The following SPAG16 variants were observed in gnomAD, a reference collection of about 807,000 sequenced individuals.
SPAG16 encodes sperm associated antigen 16.
A neutral mutation model predicts 80.4 loss-of-function variants in SPAG16; 86 were observed. The observed-to-expected ratio is 1.07, with a 90% CI of 0.90 to 1.28. SPAG16 has a LOEUF of 1.28. SPAG16 is among the 50% of genes most tolerant of loss of function. The pLI is 0.00. For missense variants in SPAG16, 870 were observed against 765.3 expected, an observed-to-expected ratio of 1.14 and a Z score of -1.61; for synonymous variants, 294 against 265.9, an observed-to-expected ratio of 1.11 and a Z score of -1.03.
chr2:213,968,409 T>TGGGTTTCC (rs1235855242), intron 12 of SPAG16, among the ~76,000 whole-genome samples: 1 of 152,198 alleles, frequency 6.6e-6, no homozygotes, highest in Non-Finnish European at 1.5e-5. Flanking sequence ...GCCAGCCTGG[T>TGGGTTTCC]CTTGAACTCC....
chr2:213,399,184 T>C (rs941875428), intron 9 of SPAG16, among the ~76,000 whole-genome samples: 29 of 152,256 alleles, frequency 1.9e-4, no homozygotes, highest in African/African-American at 6.7e-4. Flanking sequence ...TAAATAGTGG[T>C]GGTTATACTA....
At chr2:213,443,946 C>T (rs2071141579) in intron 9 of SPAG16, among the ~76,000 whole-genome samples, 1 of 152,018 alleles carries the variant, frequency 6.6e-6, no homozygotes, top group Non-Finnish European at 1.5e-5. Context: ...TTCTATTAGG[C>T]TATTTAAAAG....
chr2:214,220,213 A>G (rs918352), intron 15 of SPAG16, among the ~76,000 whole-genome samples: 81,218 of 151,854 alleles, frequency 0.53, 24,653 homozygotes, highest in South Asian at 0.7. Flanking sequence ...ATTTTTAGAA[A>G]GTCTTGAATC....
intron 10 of SPAG16, among the ~76,000 whole-genome samples, chr2:213,808,350 G>A (rs763223972): frequency 3.9e-5 from 6 of 152,118 alleles, no homozygotes; most frequent in African/African-American, 7.2e-5. Context: ...ACAGCCACTC[G>A]TTTACAAGCA....
chr2:213,702,865 C>G (rs557197719), intron 10 of SPAG16, among the ~76,000 whole-genome samples: 10 of 152,256 alleles, frequency 6.6e-5, no homozygotes, highest in African/African-American at 2.2e-4. Context: ...GGAAGGGAAG[C>G]CTAACAATAG....
chr2:214,282,073 C>A (rs773196504), intron 15 of SPAG16, among the ~76,000 whole-genome samples: 4 of 152,110 alleles, frequency 2.6e-5, no homozygotes, highest in Non-Finnish European at 5.9e-5. Flanking sequence ...GATATGTTTA[C>A]TATCTTGATT....
chr2:213,573,091 T>A (rs1235672050), intron 10 of SPAG16, among the ~76,000 whole-genome samples: 1 of 152,120 alleles, frequency 6.6e-6, no homozygotes. Flanking sequence ...TCGCCCTGCT[T>A]TGGCTCACGC....
At chr2:214,265,813 A>G (rs920830000) in intron 15 of SPAG16, among the ~76,000 whole-genome samples, 1 of 151,870 alleles carries the variant, frequency 6.6e-6, no homozygotes, top group Non-Finnish European at 1.5e-5. Flanking sequence ...TCTCATTTGT[A>G]TTCTGATTTT....
At chr2:213,647,944 G>A (rs1055136093) in intron 10 of SPAG16, among the ~76,000 whole-genome samples, 6 of 152,130 alleles carry the variant, frequency 3.9e-5, no homozygotes, top group Non-Finnish European at 8.8e-5. Flanking sequence ...AGATGTGTTA[G>A]GTTTGATAGC....
intron 10 of SPAG16, among the ~76,000 whole-genome samples, chr2:213,740,812 C>G (rs531025633): frequency 6.6e-5 from 10 of 152,244 alleles, no homozygotes; most frequent in African/African-American, 1.9e-4. Context: ...GGGCTATGGA[C>G]AAAGAAAGAC....
chr2:213,604,459 A>T (rs1018451477), intron 10 of SPAG16, among the ~76,000 whole-genome samples: 1 of 152,162 alleles, frequency 6.6e-6, no homozygotes. Flanking sequence ...TGGCATTTAT[A>T]GGTGCTGAAC....
chr2:213,809,792 T>C (rs1398362684), intron 10 of SPAG16, among the ~76,000 whole-genome samples: 1 of 152,208 alleles, frequency 6.6e-6, no homozygotes, highest in Non-Finnish European at 1.5e-5. Context: ...TTGACATGCA[T>C]GTGTTTATAT....
At chr2:213,557,958 C>G (rs927694644) in intron 10 of SPAG16, among the ~76,000 whole-genome samples, 3 of 151,984 alleles carry the variant, frequency 2.0e-5, no homozygotes, top group Admixed American at 6.6e-5. Context: ...GTAAAATGTT[C>G]ATTATAGGCA....
intron 10 of SPAG16, among the ~76,000 whole-genome samples, chr2:213,511,548 A>T (rs1440426755): frequency 6.6e-6 from 1 of 151,976 alleles, no homozygotes; most frequent in East Asian, 1.9e-4. Context: ...TTTTTAAAAA[A>T]ATCTTATTTC....
chr2:214,386,511 A>G (rs1406957410), intron 15 of SPAG16, among the ~76,000 whole-genome samples: 1 of 152,240 alleles, frequency 6.6e-6, no homozygotes, highest in Non-Finnish European at 1.5e-5. Flanking sequence ...TTTATCAAAT[A>G]GATAAATGTT....
intron 10 of SPAG16, among the ~76,000 whole-genome samples, chr2:213,711,742 A>T (rs1157495849): frequency 6.6e-6 from 1 of 151,536 alleles, no homozygotes; most frequent in African/African-American, 2.4e-5. Flanking sequence ...GTGGTCTCGA[A>T]CTCCTGACCT....
chr2:214,100,808 T>C (rs930346852), intron 13 of SPAG16, among the ~76,000 whole-genome samples: 3 of 152,104 alleles, frequency 2.0e-5, no homozygotes, highest in African/African-American at 4.8e-5. Context: ...GGAATTTAGA[T>C]TGATTTCATG....
chr2:213,928,932 C>CAT (rs1270995670), intron 11 of SPAG16, among the ~76,000 whole-genome samples: 30 of 150,298 alleles, frequency 2.0e-4, no homozygotes, highest in African/African-American at 7.1e-4. Flanking sequence ...CACACACACA[C>CAT]ACACACACAC....
At chr2:213,895,546 T>A (rs956245743) in intron 11 of SPAG16, among the ~76,000 whole-genome samples, 1 of 152,132 alleles carries the variant, frequency 6.6e-6, no homozygotes, top group Non-Finnish European at 1.5e-5. Flanking sequence ...CAAATTATTG[T>A]GGTAAAAATA....
Sources: allele counts gnomAD v4.1 joint callset (sites outside exome capture counted in the v4.1 genomes callset), GRCh38; gene constraint gnomAD v4.1.1; transcripts MANE v1.5; gene names NCBI Gene and HGNC (gene_info 2026-07-23, HGNC 2026-07-21).